The following MYNN variants were observed in gnomAD, a reference collection of about 807,000 sequenced individuals.
MYNN encodes zinc finger and BTB domain-containing protein 31.
Under a neutral mutation model 57.2 loss-of-function variants are expected in MYNN, and 22 were observed. The ratio of observed to expected loss-of-function variants is 0.38; its 90% CI spans 0.27 to 0.55. The LOEUF is 0.55. MYNN is among the 20% of genes least tolerant of loss of function. The pLI, the probability that MYNN is intolerant of heterozygous loss-of-function variation, is 0.71. For missense variants in MYNN, 566 were observed against 723.1 expected, an observed-to-expected ratio of 0.78 and a Z score of 2.49; for synonymous variants, 241 against 257.1, an observed-to-expected ratio of 0.94 and a Z score of 0.60.
chr3:169,782,349 C>G lies in MYNN; in HGVS notation c.1221-116C>G. 1.4e-6 allele frequency: 1 copy of G among 718,714 alleles called. No individual in the cohort carries two copies. The highest frequency in any genetic ancestry group is 2.8e-5 in the South Asian group (1 of 35,754). 44.5% of individuals were successfully genotyped at this position (718,714 alleles called of 1,614,324 possible). ...CTGAAACAACTACTGATTTTAAATACATAGTCTTGGCCTGTTAAGATGACA... is the reference window on the plus strand; with the variant it reads ...CTGAAACAACTACTGATTTTAAATAGATAGTCTTGGCCTGTTAAGATGACA... On this transcript the variant is annotated intron_variant, in intron 4 of 7. Coordinates refer to ENST00000349841, the MANE Select transcript of MYNN (RefSeq NM_018657.5). The surrounding 1 kb of genome is among the most constrained non-coding windows in gnomAD (Gnocchi z 4.8).
rs1577403631 is a variant in MYNN, at chr3:169,786,965, A to G, written c.*287A>G. 1 of 292,220 alleles carries G rather than the reference A, an allele frequency of 3.4e-6. No homozygotes were observed. Among genetic ancestry groups the G allele is most frequent in the East Asian group, 6.6e-5 (1 of 15,222 alleles). 18.1% of individuals were successfully genotyped at this position (292,220 alleles called of 1,614,324 possible). On this transcript the variant is annotated 3_prime_UTR_variant, in exon 8 of 8. Transcript: ENST00000349841. ...TGCCTTAATTCCATTTTTATTTTGC[A>G]TTTTAGAATTGCCCTTCATTTACTA...
At chr3:169,785,310 A>C (rs193125371) in intron 7 of MYNN, among the ~76,000 whole-genome samples, 1 of 152,006 alleles carries the variant, frequency 6.6e-6, no homozygotes, top group African/African-American at 2.4e-5. Context: ...CGTAAGTATT[A>C]AGTTAGAAAC....
At position 169,788,013 on chromosome 3, in the gene MYNN, A is replaced by G. The variant is rs568252363; in HGVS notation, c.*1335A>G. On this transcript the variant is annotated 3_prime_UTR_variant, in exon 8 of 8. Coordinates refer to ENST00000349841, the MANE Select transcript of MYNN (RefSeq NM_018657.5). ...CTGTTGTTCAGTGTGAGATGACATC[A>G]TTTCTTATTTCTGCCATGCTGTGGC... 16 of 151,756 alleles carry G rather than the reference A, an allele frequency of 1.1e-4. No homozygotes were observed. The South Asian group carries it at 3.1e-3, about 30-fold the overall frequency. 9.4% of individuals were successfully genotyped at this position (151,756 alleles called of 1,614,324 possible).
intron 7 of MYNN, among the ~76,000 whole-genome samples, chr3:169,785,494 A>G (rs970867625): frequency 6.6e-6 from 1 of 152,032 alleles, no homozygotes; most frequent in African/African-American, 2.4e-5. Flanking sequence ...TAAATAGGGA[A>G]AATGTAGGGC....
At chr3:169,784,912 TAAAAAAAA>T (rs11456214) in intron 7 of MYNN, among the ~76,000 whole-genome samples, 1 of 134,680 alleles carries the variant, frequency 7.4e-6, no homozygotes, top group African/African-American at 2.7e-5. Flanking sequence ...ATCTCTTATT[TAAAAAAAA>T]AAAAAAAAAA....
intron 4 of MYNN, 87 bp downstream of exon 4, chr3:169,780,836 G>C (rs1025391471): frequency 1.8e-6 from 2 of 1,102,448 alleles, no homozygotes; most frequent in Non-Finnish European, 2.5e-6. Flanking sequence ...ATTCAGGACA[G>C]TAGAATTGTA....
At position 169,786,913 on chromosome 3, in the gene MYNN, T is replaced by C; in HGVS notation, c.*235T>C. The C allele has an allele frequency of 2.5e-6, 1 of 407,546 alleles. No homozygotes were observed. Among genetic ancestry groups the C allele is most frequent in the Non-Finnish European group, 4.4e-6 (1 of 224,884 alleles). The allele number at this position is 407,546 out of a possible 1,614,324, so 25.2% of individuals were successfully genotyped here. On this transcript the variant is annotated 3_prime_UTR_variant, in exon 8 of 8. Coordinates refer to ENST00000349841, the MANE Select transcript of MYNN (RefSeq NM_018657.5). ...ATGAATTATGTAGCACTATTTTGGG[T>C]GGATGAGTTTTATTTTCTTTTAAAG...
At position 169,780,839 on chromosome 3, in the gene MYNN, G is replaced by C. The variant is rs955050025; in HGVS notation, c.1220+90G>C. ...TATTATATTAGAATTCAGGACAGTA[G>C]AATTGTAATTGTGGTTCCACCAAAC... On this transcript the variant is annotated intron_variant, in intron 4 of 7. Transcript: ENST00000349841. 9.1e-6 allele frequency: 10 copies of C among 1,102,738 alleles called. No individual in the cohort carries two copies. In the African/African-American group the frequency reaches 1.6e-4, roughly 18 times the overall value. The allele number at this position is 1,102,738 out of a possible 1,614,324, so 68.3% of individuals were successfully genotyped here.
chr3:169,784,061 C>A (rs1778600613), intron 6 of MYNN, among the ~76,000 whole-genome samples: 1 of 151,922 alleles, frequency 6.6e-6, no homozygotes, highest in Non-Finnish European at 1.5e-5. Context: ...TTAAAAATTC[C>A]TTCTCATAAT....
At position 169,782,425 on chromosome 3, in the gene MYNN, C is replaced by T; in HGVS notation, c.1221-40C>T. The stretch of plus-strand genomic sequence containing the variant: ...ATGAATTCTTGCTATATAGACTGAC[C>T]TCCAAATTGTTTTACTTATTTAACT... On this transcript the variant is annotated intron_variant, in intron 4 of 7. Transcript: ENST00000349841. The surrounding 1 kb of genome is among the most constrained non-coding windows in gnomAD (Gnocchi z 4.8). 1 of 1,547,234 alleles carries T rather than the reference C, an allele frequency of 6.5e-7. No individual in the cohort carries two copies.
At chr3:169,781,526 A>T (rs2108205356) in intron 4 of MYNN, among the ~76,000 whole-genome samples, 1 of 152,302 alleles carries the variant, frequency 6.6e-6, no homozygotes, top group South Asian at 2.1e-4. Context: ...GTGAATGTGG[A>T]CAGAAGAAAT....
chr3:169,783,323 A>G (rs538090121), intron 5 of MYNN, among the ~76,000 whole-genome samples, 154 bp from the exon 6 acceptor site: 1 of 152,216 alleles, frequency 6.6e-6, no homozygotes, highest in Non-Finnish European at 1.5e-5. Flanking sequence ...ACTAATATTC[A>G]TTTACTTGGA....
chr3:169,780,623 A>C lies in MYNN; in HGVS notation c.1094A>C (p.Lys365Thr). The stretch of plus-strand genomic sequence containing the variant: ...CCATACAAATGTGAATTGTGTGATA[A>C]AGGATTTGCTCAGAAATGTCAGCTA... ...EKPYKCELCD[K>T]GFAQKCQLVF... is the part of the protein sequence containing the mutation. Residue 365 changes from lysine (K) to threonine (T), a missense_variant, in exon 4 of 8, where the codon AAA (lysine) becomes ACA (threonine). By Grantham distance (78) the Lys-to-Thr change is moderately conservative. Transcript: ENST00000349841. 1 of 1,610,082 alleles carries C rather than the reference A, an allele frequency of 6.2e-7. No individual in the cohort carries two copies. The highest frequency in any genetic ancestry group is 8.5e-7 in the Non-Finnish European group (1 of 1,178,814).
chr3:169,783,717 G>GTT, intron 6 of MYNN, 157 bp downstream of exon 6: 29 of 573,546 alleles, frequency 5.1e-5, no homozygotes, highest in Non-Finnish European at 5.5e-5. Context: ...TGCTTATTTT[G>GTT]TTTTTTTTTT....
chr3:169,785,849 C>T (rs536710992), intron 7 of MYNN, among the ~76,000 whole-genome samples: 4 of 152,154 alleles, frequency 2.6e-5, no homozygotes, highest in Admixed American at 2.6e-4. Context: ...CATCTTTAGT[C>T]AGTGTGCTGA....
At chr3:169,774,179 TTTAAG>T (rs762770402) in intron 1 of MYNN, 81 bp from the exon 2 acceptor site, 2 of 1,039,798 alleles carry the variant, frequency 1.9e-6, no homozygotes, top group East Asian at 2.4e-5. Flanking sequence ...GCTAAAATTG[TTTAAG>T]TTATGTCCTC....
In MYNN at chr3:169,778,950, A is replaced by T; in HGVS notation, c.449A>T (p.Tyr150Phe). ...QQTCLLTLRD[Y>F]NNREKSEVST... ...ACTTGTCTTCTTACTCTGCGAGATTATAATAATCGAGAGAAATCAGAAGTA... is the reference window on the plus strand; with the variant it reads ...ACTTGTCTTCTTACTCTGCGAGATTTTAATAATCGAGAGAAATCAGAAGTA... The change falls in exon 3 of 8, where the codon TAT (tyrosine) becomes TTT (phenylalanine). Residue 150 changes from tyrosine (Y) to phenylalanine (F), a missense_variant. Tyr to Phe is a conservative substitution (Grantham distance 22). Transcript: ENST00000349841. 6.2e-7 allele frequency: 1 copy of T among 1,613,860 alleles called. No homozygotes were observed. The highest frequency in any genetic ancestry group is 8.5e-7 in the Non-Finnish European group (1 of 1,180,004).
At chr3:169,784,982 G>A (rs548963432) in intron 7 of MYNN, among the ~76,000 whole-genome samples, 6 of 140,436 alleles carry the variant, frequency 4.3e-5, no homozygotes, top group African/African-American at 1.3e-4. Flanking sequence ...TCCCAAGCAT[G>A]AAGGAACATA....
At chr3:169,776,694 ATT>A (rs10681957) in intron 2 of MYNN, among the ~76,000 whole-genome samples, 555 of 105,516 alleles carry the variant, frequency 5.3e-3, no homozygotes, top group African/African-American at 0.019. Context: ...TGTTGAACAA[ATT>A]TTTTTTTTTT....
Sources: allele counts gnomAD v4.1 joint callset (sites outside exome capture counted in the v4.1 genomes callset), GRCh38; gene constraint gnomAD v4.1.1; non-coding constraint Gnocchi (gnomAD v3.1); transcripts MANE v1.5; gene names NCBI Gene and HGNC (gene_info 2026-07-23, HGNC 2026-07-21).